The following RGS12 variants were observed in gnomAD, a reference collection of about 807,000 sequenced individuals.
RGS12 encodes the protein regulator of G protein signaling 12, also known as regulator of G-protein signaling 12.
A neutral mutation model predicts 120.1 loss-of-function variants in RGS12; 66 were observed. The observed-to-expected ratio is 0.55, with a 90% CI of 0.45 to 0.67. RGS12 has a LOEUF of 0.67. Ranked by LOEUF, RGS12 falls within the 30% of genes least tolerant of loss-of-function variation. The pLI, the probability that RGS12 is intolerant of heterozygous loss-of-function variation, is 0.00. For missense variants in RGS12, 1,859 were observed against 1,957.7 expected (o/e 0.95, Z 0.95); for synonymous variants, 827 against 804.7 (o/e 1.03, Z -0.47).
intron 3 of RGS12, among the ~76,000 whole-genome samples, chr4:3,375,271 C>G (rs1192214801): frequency 6.7e-6 from 1 of 150,222 alleles, no homozygotes; most frequent in African/African-American, 2.5e-5. Flanking sequence ...GCCCTCATCT[C>G]CAGCCTCATC....
At chr4:3,373,171 T>C (rs10937924) in intron 3 of RGS12, among the ~76,000 whole-genome samples, 98,995 of 152,156 alleles carry the variant, frequency 0.65, 32,928 homozygotes, top group African/African-American at 0.76. Context: ...GGGCGGTGGC[T>C]GCTGGCGACA....
chr4:3,416,554 G>C (rs1722422121), intron 7 of RGS12, among the ~76,000 whole-genome samples: 1 of 152,204 alleles, frequency 6.6e-6, no homozygotes, highest in Admixed American at 6.5e-5. Context: ...CAGAAGCATA[G>C]GGTGGCATTT....
chr4:3,401,649 C>T (rs73792009), intron 4 of RGS12, among the ~76,000 whole-genome samples: 7,675 of 152,290 alleles, frequency 0.05, 621 homozygotes, highest in African/African-American at 0.17. Context: ...TGAGTCAGAT[C>T]CAAACAGTGT....
At chr4:3,435,576 A>AGAGCCCTGTCTCCCCC (rs1724728278) in intron 17 of RGS12, among the ~76,000 whole-genome samples, 1 of 69,152 alleles carries the variant, frequency 1.4e-5, no homozygotes, top group Non-Finnish European at 2.9e-5. Context: ...CCGTCTCCCC[A>AGAGCCCTGTCTCCCCC]GAGCCCTGTC....
At chr4:3,335,469 G>A (rs1244803145) in intron 2 of RGS12, among the ~76,000 whole-genome samples, 1 of 152,132 alleles carries the variant, frequency 6.6e-6, no homozygotes, top group Non-Finnish European at 1.5e-5. Context: ...ACACCGACAG[G>A]GTCTCCGCAT....
chr4:3,287,584 G>T, the RGS12 span, among the ~76,000 whole-genome samples: 1 of 152,358 alleles, frequency 6.6e-6, no homozygotes, highest in African/African-American at 2.4e-5. Flanking sequence ...GCCCGAGGAA[G>T]TTCTGTGTAG....
chr4:3,417,016 C>G lies in RGS12; in HGVS notation c.2531C>G (p.Ser844Trp). 6.2e-7 allele frequency: 1 copy of G among 1,613,406 alleles called. No individual in the cohort carries two copies. The highest frequency in any genetic ancestry group is 8.5e-7 in the Non-Finnish European group (1 of 1,179,824). The change falls in exon 8 of 18, where the codon TCG (serine) becomes TGG (tryptophan). Residue 844 changes from serine (S) to tryptophan (W), a missense_variant. By Grantham distance (177) the Ser-to-Trp change is radical (BLOSUM62 -3). Transcript: ENST00000336727. Reference protein sequence around the residue: ...AEVEGRALPDSQQVPSSPASK... With the variant: ...AEVEGRALPDWQQVPSSPASK... ...GTGGAGGGCCGTGCACTCCCGGACTCGCAGCAGGTCCCCAGCAGCCCGGCT... is the reference window on the plus strand; with the variant it reads ...GTGGAGGGCCGTGCACTCCCGGACTGGCAGCAGGTCCCCAGCAGCCCGGCT...
chr4:3,299,020 G>C (rs1035324722), intron 1 of RGS12, among the ~76,000 whole-genome samples: 2 of 152,156 alleles, frequency 1.3e-5, no homozygotes, highest in African/African-American at 2.4e-5. Flanking sequence ...TGAACATCTA[G>C]TGTTATTTGA....
At chr4:3,422,106 G>A (rs1170595109) in intron 10 of RGS12, among the ~76,000 whole-genome samples, 1 of 152,202 alleles carries the variant, frequency 6.6e-6, no homozygotes, top group African/African-American at 2.4e-5. Flanking sequence ...GGGTGGAGAA[G>A]CCCAGATGTG....
At chr4:3,327,591 G>A (rs1001938694) in intron 2 of RGS12, among the ~76,000 whole-genome samples, 4 of 152,098 alleles carry the variant, frequency 2.6e-5, no homozygotes, top group African/African-American at 7.2e-5. Flanking sequence ...ACAAAATAAC[G>A]CCATTAAAAA....
intron 4 of RGS12, among the ~76,000 whole-genome samples, chr4:3,408,292 G>A (rs917455938): frequency 6.6e-6 from 1 of 152,316 alleles, no homozygotes; most frequent in African/African-American, 2.4e-5. Context: ...TATTTTCCAC[G>A]TGACGAGAAC....
At chr4:3,376,367 C>G (rs1717696162) in intron 3 of RGS12, among the ~76,000 whole-genome samples, 1 of 152,212 alleles carries the variant, frequency 6.6e-6, no homozygotes, top group African/African-American at 2.4e-5. Context: ...GGTGGCTGCT[C>G]TGCCAGGCGA....
In RGS12 at chr4:3,348,052, A is replaced by C. The variant is rs1578787464; in HGVS notation, c.1998+4999A>C. ...CAGATAAGTCTTTGTAAGATGAGAG[A>C]TACGTCCTTTGAGGCTCTCCAGAAG... On this transcript the variant is annotated intron_variant, in intron 3 of 17. Transcript: ENST00000336727. 2.6e-5 allele frequency among the ~76,000 whole-genome samples: 4 copies of C among 152,260 alleles called. No individual in the cohort carries two copies. The South Asian group carries it at 8.3e-4, about 31-fold the overall frequency.
chr4:3,396,491 A>G (rs930216673), intron 4 of RGS12, among the ~76,000 whole-genome samples: 1 of 152,180 alleles, frequency 6.6e-6, no homozygotes. Flanking sequence ...TTTTTTCTAC[A>G]TGGTATTCAG....
At chr4:3,310,061 C>T (rs1156865249) in intron 1 of RGS12, among the ~76,000 whole-genome samples, 4 of 141,008 alleles carry the variant, frequency 2.8e-5, no homozygotes, top group East Asian at 2.2e-4. Context: ...TGAGGGGAAC[C>T]GTGTGGGGGA....
chr4:3,294,613 T>TGAGGGCAGGGGCTCAGGC (rs1723260363), intron 1 of RGS12, among the ~76,000 whole-genome samples: 1 of 152,122 alleles, frequency 6.6e-6, no homozygotes, highest in African/African-American at 2.4e-5. Flanking sequence ...CCATGTTGGC[T>TGAGGGCAGGGGCTCAGGC]GAGGGCAGGG....
intron 3 of RGS12, among the ~76,000 whole-genome samples, chr4:3,358,033 T>G (rs1176709840): frequency 6.6e-6 from 1 of 152,228 alleles, no homozygotes; most frequent in Non-Finnish European, 1.5e-5. Context: ...TCAGCAATGT[T>G]TTCTAGTTTT....
At chr4:3,435,053 TCCCCTGGGGC>T (rs1378478201) in intron 17 of RGS12, among the ~76,000 whole-genome samples, 1 of 151,892 alleles carries the variant, frequency 6.6e-6, no homozygotes, top group African/African-American at 2.4e-5. Flanking sequence ...GGGGCTGGGG[TCCCCTGGGGC>T]AGCTCACTGG....
chr4:3,350,921 T>C (rs1714295883), intron 3 of RGS12, among the ~76,000 whole-genome samples: 1 of 151,754 alleles, frequency 6.6e-6, no homozygotes, highest in Admixed American at 6.6e-5. Context: ...GCTTTCATTT[T>C]AGAATTTTGG....
Sources: allele counts gnomAD v4.1 joint callset (sites outside exome capture counted in the v4.1 genomes callset), GRCh38; gene constraint gnomAD v4.1.1; transcripts MANE v1.5; gene names NCBI Gene and HGNC (gene_info 2026-07-23, HGNC 2026-07-21).